TNXB: variants seen among roughly 807,000 people sequenced by gnomAD.
TNXB encodes tenascin XB.
Under a neutral mutation model 340.5 loss-of-function variants are expected in TNXB, and 183 were observed. The observed-to-expected ratio is 0.54, with a 90% CI of 0.48 to 0.61. TNXB has a LOEUF of 0.61. Among genes scored for constraint, TNXB ranks in the 20% least tolerant of loss-of-function variants. The pLI is 0.00. For missense variants in TNXB, 4,613 were observed against 5,446.4 expected, an observed-to-expected ratio of 0.85 and a Z score of 4.82; for synonymous variants, 2,121 against 2,314.5, an observed-to-expected ratio of 0.92 and a Z score of 2.40.
chr6:32,102,714 G>C (rs938236566), intron 1 of TNXB, among the ~76,000 whole-genome samples: 15 of 152,220 alleles, frequency 9.9e-5, no homozygotes, highest in African/African-American at 3.4e-4. Context: ...GAGGTCAAGA[G>C]ATGGAGACCA....
chr6:32,041,991 A>G, intron 42 of TNXB, 21 bp downstream of exon 42: 1 of 548,352 alleles, frequency 1.8e-6, no homozygotes. Flanking sequence ...TCACCCTCCC[A>G]GCCTCACAGC....
At position 32,048,390 on chromosome 6, in the gene TNXB, C is replaced by T. The variant is rs61737606; in HGVS notation, c.10018G>A (p.Gly3340Ser). The change falls in exon 29 of 44, where the codon GGC (glycine) becomes AGC (serine). Residue 3340 changes from glycine (G) to serine (S), a missense_variant. Transcript: ENST00000644971. ...LFGLQNGKRHGPVPVEARTAP... is the reference protein window; with the variant it reads ...LFGLQNGKRHSPVPVEARTAP... ...GTCCTGGCCTCCACAGGGACTGGGCCGTGGCGTTTCCCATTCTGGAGTCCA... is the reference window on the plus strand; with the variant it reads ...GTCCTGGCCTCCACAGGGACTGGGCTGTGGCGTTTCCCATTCTGGAGTCCA... The T allele has an allele frequency of 9.4e-4, 1,425 of 1,523,840 alleles. 12 individuals are homozygous for T. In the African/African-American group the frequency reaches 0.016, roughly 17 times the overall value. The allele number at this position is 1,523,840 out of a possible 1,614,324, so 94.4% of individuals were successfully genotyped here. A position where few individuals can be genotyped will look rare whatever the true frequency, so the allele number is the denominator to read the frequency against.
rs780494267 is a variant in TNXB, at chr6:32,073,754, C to A, written c.4574G>T (p.Arg1525Leu). Residue 1525 changes from arginine (R) to leucine (L), a missense_variant, in exon 12 of 44, where the codon CGA becomes CTA. Physicochemically the swap from Arg to Leu is moderately radical, Grantham distance 102. Transcript: ENST00000644971. The surrounding 1 kb of genome is among the most constrained non-coding windows in gnomAD (Gnocchi z 4.6). ...CTCCAGGTTGTAGACTGTGACCTCT[C>A]GCTGGTCTGCCGCCACCGGCACCAC... is the stretch of plus-strand genomic sequence containing the variant. ...PQVVPVAADQREVTVYNLEPE... is the reference protein window; with the variant it reads ...PQVVPVAADQLEVTVYNLEPE... 2 of 1,612,380 alleles carry A rather than the reference C, an allele frequency of 1.2e-6. No individual in the cohort carries two copies. The highest frequency in any genetic ancestry group is 1.7e-6 in the Non-Finnish European group (2 of 1,179,508).
chr6:32,068,895 G>A lies in TNXB; in HGVS notation c.5829C>T (p.His1943=). The part of the protein sequence containing the change: ...DITLSGLESD[H]RYLVTLYGFS... The stretch of plus-strand genomic sequence containing the variant: ...AACCATACAGGGTCACCAGGTATCT[G>A]TGGTCGGATTCCAGGCCAGAGAGGG... Residue 1943 remains histidine, a synonymous_variant, in exon 16 of 44, where the codon CAC becomes CAT. Transcript: ENST00000644971. This position sits in a 1 kb window ranked among gnomAD's most constrained non-coding sequence, Gnocchi z 5.3. The A allele has an allele frequency of 6.2e-7, 1 of 1,612,896 alleles. No homozygotes were observed. Among genetic ancestry groups the A allele is most frequent in the Non-Finnish European group, 8.5e-7 (1 of 1,179,870 alleles).
chr6:32,086,435 C>T (rs2239688), intron 6 of TNXB, among the ~76,000 whole-genome samples: 1 of 152,198 alleles, frequency 6.6e-6, no homozygotes, highest in Non-Finnish European at 1.5e-5. Flanking sequence ...TACATCCCCC[C>T]CACTGGGTGG....
chr6:32,104,924 ACT>A, intron 1 of TNXB, among the ~76,000 whole-genome samples: 1 of 152,270 alleles, frequency 6.6e-6, no homozygotes, highest in East Asian at 1.9e-4. Context: ...GGCGTGAGCC[ACT>A]GTGTCCAGCC....
Position 32,082,057 on chromosome 6 carries a change from G to C in TNXB, c.3715C>G (p.Leu1239Val). 6.2e-7 allele frequency: 1 copy of C among 1,606,586 alleles called. No individual in the cohort carries two copies. Among genetic ancestry groups the C allele is most frequent in the East Asian group, 2.2e-5 (1 of 44,708 alleles). Residue 1239 changes from leucine to valine, a missense_variant, in exon 9 of 44, where the codon CTC (leucine) becomes GTC (valine). Leu to Val is a conservative substitution (Grantham distance 32). This residue lies in a region of TNXB where 4,327 missense variants were observed against 4,859.4 expected (regional missense o/e 0.89). Coordinates refer to ENST00000644971, the MANE Select transcript of TNXB (RefSeq NM_001365276.2). The surrounding 1 kb of genome is among the most constrained non-coding windows in gnomAD (Gnocchi z 5.0). ...GIANKKRYGPLTADGTTAPER... is the reference protein window; with the variant it reads ...GIANKKRYGPVTADGTTAPER... ...TCACCAGTGGTGCCATCGGCCGTGAGGGGGCCATACCGCTTCTTGTTCGCA... is the reference window on the plus strand; with the variant it reads ...TCACCAGTGGTGCCATCGGCCGTGACGGGGCCATACCGCTTCTTGTTCGCA...
rs1249849471 is a variant in TNXB at position 32,079,824 on chromosome 6, G to A, written c.4043-459C>T. 6.6e-6 allele frequency among the ~76,000 whole-genome samples: 1 copy of A among 152,208 alleles called. No individual in the cohort carries two copies. The highest frequency in any genetic ancestry group is 1.5e-5 in the Non-Finnish European group (1 of 68,036). ...TTAACCCCAAGGAATGAATTGCTAAGGCAGGGCTCCAGGCATGAGTGGGAG... is the reference window on the plus strand; with the variant it reads ...TTAACCCCAAGGAATGAATTGCTAAAGCAGGGCTCCAGGCATGAGTGGGAG... On this transcript the variant is annotated intron_variant, in intron 10 of 43. Coordinates refer to ENST00000644971, the MANE Select transcript of TNXB (RefSeq NM_001365276.2). The surrounding 1 kb of genome is among the most constrained non-coding windows in gnomAD (Gnocchi z 7.1).
At position 32,070,089 on chromosome 6, in the gene TNXB, G is replaced by C. The variant is rs1221872581; in HGVS notation, c.5278+38C>G. 6 of 1,507,592 alleles carry C rather than the reference G, an allele frequency of 4.0e-6. No individual in the cohort carries two copies. Among genetic ancestry groups the C allele is most frequent in the Non-Finnish European group, 4.4e-6 (5 of 1,131,046 alleles). The allele number at this position is 1,507,592 out of a possible 1,614,324, so 93.4% of individuals were successfully genotyped here. A position where few individuals can be genotyped will look rare whatever the true frequency, so the allele number is the denominator to read the frequency against. The stretch of plus-strand genomic sequence containing the variant: ...AGTGACCGTCTGCTGCTTGGCCTGA[G>C]GGGAGCAGAGCAGGGACCTGCAGGG... On this transcript the variant is annotated intron_variant, in intron 14 of 43. Coordinates refer to ENST00000644971, the MANE Select transcript of TNXB (RefSeq NM_001365276.2). This position sits in a 1 kb window ranked among gnomAD's most constrained non-coding sequence, Gnocchi z 6.0.
chr6:32,058,035 CTG>C lies in TNXB; in HGVS notation c.7825+21_7825+22del. The C allele has an allele frequency of 1.3e-6, 2 of 1,586,042 alleles. No homozygotes were observed. Among genetic ancestry groups the C allele is most frequent in the Non-Finnish European group, 1.7e-6 (2 of 1,166,380 alleles). On this transcript the variant is annotated intron_variant, in intron 22 of 43. Transcript: ENST00000644971. This position sits in a 1 kb window ranked among gnomAD's most constrained non-coding sequence, Gnocchi z 5.1. ...CATTTTCTAGGGCTGTCTTCCAACCCTGCCCCACCCACACTCACTCACCTGTG... is the reference window on the plus strand; with the variant it reads ...CATTTTCTAGGGCTGTCTTCCAACCCCCCCACCCACACTCACTCACCTGTG...
chr6:32,054,120 C>T (rs966801052), intron 24 of TNXB, among the ~76,000 whole-genome samples: 1 of 152,152 alleles, frequency 6.6e-6, no homozygotes, highest in Non-Finnish European at 1.5e-5. Flanking sequence ...GGACCCAGCC[C>T]CTCACCAGCT....
Position 32,073,991 on chromosome 6 carries a change from C to T in TNXB, c.4376-39G>A, listed in dbSNP as rs1201769571. 1.4e-6 allele frequency: 2 copies of T among 1,480,400 alleles called. No homozygotes were observed. The highest frequency in any genetic ancestry group is 1.8e-6 in the Non-Finnish European group (2 of 1,102,220). 91.7% of individuals were successfully genotyped at this position (1,480,400 alleles called of 1,614,324 possible). A position where few individuals can be genotyped will look rare whatever the true frequency, so the allele number is the denominator to read the frequency against. Reference sequence around the variant, plus strand: ...GGTAGGGGGCTGTTAGTAAAGAATCCCCCTTTTCTTATAGTAATGATGTCT... The same window carrying T: ...GGTAGGGGGCTGTTAGTAAAGAATCTCCCTTTTCTTATAGTAATGATGTCT... On this transcript the variant is annotated intron_variant, in intron 11 of 43. Coordinates refer to ENST00000644971, the MANE Select transcript of TNXB (RefSeq NM_001365276.2). This position sits in a 1 kb window ranked among gnomAD's most constrained non-coding sequence, Gnocchi z 4.6.
chr6:32,053,444 A>G lies in TNXB; in HGVS notation c.8735T>C (p.Leu2912Pro), dbSNP rs751901665. The change falls in exon 25 of 44, where the codon CTG becomes CCG. Residue 2912 changes from leucine to proline, a missense_variant. By Grantham distance (98) the Leu-to-Pro change is moderately conservative (BLOSUM62 -3). Around this residue, in one of 7 missense-constraint regions of TNXB, gnomAD observed 4,327 missense variants for 4,859.4 expected, o/e 0.89. Coordinates refer to ENST00000644971, the MANE Select transcript of TNXB (RefSeq NM_001365276.2). ...GCGCTGGCCACCGTGGAAGCCGTACAGGTTCATCTTGTACTTGTGGTCTGG... is the reference window on the plus strand; with the variant it reads ...GCGCTGGCCACCGTGGAAGCCGTACGGGTTCATCTTGTACTTGTGGTCTGG... ...LEPDHKYKMN[L>P]YGFHGGQRVG... 1.2e-6 allele frequency: 2 copies of G among 1,613,204 alleles called. No homozygotes were observed. The highest frequency in any genetic ancestry group is 3.3e-5 in the Admixed American group (2 of 60,034).
chr6:32,095,888 G>C lies in TNXB; in HGVS notation c.1965C>G (p.Asp655Glu), dbSNP rs372621686. Reference sequence around the variant, plus strand: ...GCACACACCGCCCACGTCCCCGGCAGTCAGCCGGGCACATGCGGGTGGCAC... The same window carrying C: ...GCACACACCGCCCACGTCCCCGGCACTCAGCCGGGCACATGCGGGTGGCAC... ...PTCATRMCPADCRGRGRCVQG... is the reference protein window; with the variant it reads ...PTCATRMCPAECRGRGRCVQG... The change falls in exon 3 of 44, where the codon GAC (aspartate) becomes GAG (glutamate). Residue 655 changes from aspartate (D) to glutamate (E), a missense_variant. Physicochemically the swap from Asp to Glu is conservative, Grantham distance 45. This residue lies in a region of TNXB where 4,327 missense variants were observed against 4,859.4 expected (regional missense o/e 0.89). Transcript: ENST00000644971. 153 of 1,612,780 alleles carry C rather than the reference G, an allele frequency of 9.5e-5. 1 individual carries two copies. In the African/African-American group the frequency reaches 1.9e-3, roughly 20 times the overall value.
At position 32,061,645 on chromosome 6, in the gene TNXB, C is replaced by T. The variant is rs1778022001; in HGVS notation, c.7244G>A (p.Gly2415Glu). 1.9e-6 allele frequency: 3 copies of T among 1,612,572 alleles called. No individual in the cohort carries two copies. The highest frequency in any genetic ancestry group is 1.3e-5 in the African/African-American group (1 of 74,862). Residue 2415 changes from glycine to glutamate, a missense_variant, in exon 21 of 44, where the codon GGG becomes GAG. By Grantham distance (98) the Gly-to-Glu change is moderately conservative. Around this residue, in one of 7 missense-constraint regions of TNXB, gnomAD observed 4,327 missense variants for 4,859.4 expected, o/e 0.89. Coordinates refer to ENST00000644971, the MANE Select transcript of TNXB (RefSeq NM_001365276.2). The surrounding 1 kb of genome is among the most constrained non-coding windows in gnomAD (Gnocchi z 4.4). ...APEPPEEPLL[G>E]ELTVTGSSPD... ...GGAGGATCCTGTCACTGTTAGCTCC[C>T]CCAGGAGCGGCTCCTCAGGGGGCTC...
Position 32,067,611 on chromosome 6 carries a change from G to T in TNXB, c.6544+50C>A, listed in dbSNP as rs1014173575. The stretch of plus-strand genomic sequence containing the variant: ...GTCCCTAGTGGAGGAGATGCTGGAG[G>T]CTGTACTTTGCTAAGACCCAACCCA... On this transcript the variant is annotated intron_variant, in intron 18 of 43. Transcript: ENST00000644971. The surrounding 1 kb of genome is among the most constrained non-coding windows in gnomAD (Gnocchi z 4.2). The T allele has an allele frequency of 1.9e-6, 3 of 1,585,552 alleles. No individual in the cohort carries two copies. Among genetic ancestry groups the T allele is most frequent in the Non-Finnish European group, 2.6e-6 (3 of 1,164,606 alleles).
rs1373231814 is a variant in TNXB at position 32,075,267 on chromosome 6, C to T, written c.4376-1315G>A. Reference sequence around the variant, plus strand: ...AGCTGGTTCCCGCAGTGGCTTCTACCTCACTCAGGGTGAAATCCAAGTCCT... The same window carrying T: ...AGCTGGTTCCCGCAGTGGCTTCTACTTCACTCAGGGTGAAATCCAAGTCCT... On this transcript the variant is annotated intron_variant, in intron 11 of 43. Coordinates refer to ENST00000644971, the MANE Select transcript of TNXB (RefSeq NM_001365276.2). The surrounding 1 kb of genome is among the most constrained non-coding windows in gnomAD (Gnocchi z 4.6). Among the ~76,000 whole-genome samples, 1 of 152,230 alleles carries T rather than the reference C, an allele frequency of 6.6e-6. No homozygotes were observed. Among genetic ancestry groups the T allele is most frequent in the African/African-American group, 2.4e-5 (1 of 41,468 alleles).
rs1418890260 is a variant in TNXB, at chr6:32,046,347, G to A, written c.10434C>T (p.Ser3478=). The change falls in exon 31 of 44, where the codon TCC becomes TCT. Residue 3478 remains serine, a synonymous_variant. Coordinates refer to ENST00000644971, the MANE Select transcript of TNXB (RefSeq NM_001365276.2). This position sits in a 1 kb window ranked among gnomAD's most constrained non-coding sequence, Gnocchi z 6.9. The stretch of plus-strand genomic sequence containing the variant: ...CCGTGTCCCTGTACTGGACCACGAA[G>A]GAGTCAAAGGGGCCCTGGGCTACCG... ...SWTVAQGPFD[S]FVVQYRDTDG... is the part of the protein sequence containing the mutation. 2.5e-6 allele frequency: 4 copies of A among 1,605,282 alleles called. No individual in the cohort carries two copies. The highest frequency in any genetic ancestry group is 3.4e-6 in the Non-Finnish European group (4 of 1,177,288).
chr6:32,056,607 T>C lies in TNXB; in HGVS notation c.8122A>G (p.Ile2708Val), dbSNP rs573626491. 6 of 1,613,022 alleles carry C rather than the reference T, an allele frequency of 3.7e-6. No individual in the cohort carries two copies. In the Admixed American group the frequency reaches 5.0e-5, roughly 13 times the overall value. The change falls in exon 23 of 44, where the codon ATC (isoleucine) becomes GTC (valine). Residue 2708 changes from isoleucine (I) to valine (V), a missense_variant. Ile to Val is a conservative substitution (Grantham distance 29). Transcript: ENST00000644971. ...TCACCCGTCACCCCAATGACAGAGA[T>C]GGGGCCCACGCGCTGGCCACCGTGG... ...GFHGGQRVGPISVIGVTAAEE... is the reference protein window; with the variant it reads ...GFHGGQRVGPVSVIGVTAAEE...
Sources: allele counts gnomAD v4.1 joint callset (sites outside exome capture counted in the v4.1 genomes callset), GRCh38; gene constraint gnomAD v4.1.1; regional missense constraint gnomAD v4.1.1; non-coding constraint Gnocchi (gnomAD v3.1); transcripts MANE v1.5; gene names NCBI Gene and HGNC (gene_info 2026-07-23, HGNC 2026-07-21).